The following RIT2 variants were observed in gnomAD, a reference collection of about 807,000 sequenced individuals.
RIT2 encodes Ras like without CAAX 2, also known as GTP-binding protein Rit2.
In RIT2, 24 loss-of-function variants were observed where a neutral mutation model predicts 23.7. That is an observed-to-expected ratio of 1.01 (90% confidence interval 0.73 to 1.43). The LOEUF is 1.43. Among genes scored for constraint, RIT2 ranks in the 40% most tolerant of loss-of-function variants. The pLI, the probability that RIT2 is intolerant of heterozygous loss-of-function variation, is 0.00. For missense variants in RIT2, 236 were observed against 266.9 expected (o/e 0.88, Z 0.81); for synonymous variants, 107 against 91.1 (o/e 1.17, Z -0.99).
At chr18:43,112,661 T>TG (rs1313432102) in intron 1 of RIT2, among the ~76,000 whole-genome samples, 3 of 152,104 alleles carry the variant, frequency 2.0e-5, no homozygotes, top group Non-Finnish European at 2.9e-5. Flanking sequence ...CCCAGCACTT[T>TG]GGGGGGCTGA....
chr18:43,108,693 T>G (rs1432716574), intron 1 of RIT2, among the ~76,000 whole-genome samples: 1 of 152,196 alleles, frequency 6.6e-6, no homozygotes, highest in Non-Finnish European at 1.5e-5. Flanking sequence ...TTCGCCTGAA[T>G]TCTGTTTTCA....
At chr18:42,875,126 T>A (rs998346933) in intron 4 of RIT2, among the ~76,000 whole-genome samples, 1 of 152,196 alleles carries the variant, frequency 6.6e-6, no homozygotes, top group South Asian at 2.1e-4. Flanking sequence ...CTGCCACCTC[T>A]TTTCCCCACT....
At chr18:42,795,339 C>T (rs1211910344) in intron 4 of RIT2, among the ~76,000 whole-genome samples, 2 of 152,198 alleles carry the variant, frequency 1.3e-5, no homozygotes, top group African/African-American at 4.8e-5. Flanking sequence ...GACGGCCGAC[C>T]CTGCCAGCCC....
intron 2 of RIT2, among the ~76,000 whole-genome samples, chr18:43,004,473 C>T (rs896516624): frequency 3.3e-5 from 5 of 151,790 alleles, no homozygotes; most frequent in African/African-American, 1.2e-4. Context: ...TTTTCAAAAG[C>T]TTTTTTCAAA....
intron 2 of RIT2, among the ~76,000 whole-genome samples, chr18:42,991,957 A>C (rs1910861369): frequency 6.6e-6 from 1 of 152,072 alleles, no homozygotes; most frequent in Non-Finnish European, 1.5e-5. Flanking sequence ...GATGCACATG[A>C]AATTTGGTAA....
chr18:42,761,222 C>T (rs1296316570), intron 4 of RIT2, among the ~76,000 whole-genome samples: 1 of 152,042 alleles, frequency 6.6e-6, no homozygotes, highest in Non-Finnish European at 1.5e-5. Context: ...AGCTTTTCTC[C>T]TTGGACTTGT....
intron 4 of RIT2, among the ~76,000 whole-genome samples, chr18:42,842,926 C>T (rs77583051): frequency 0.11 from 16,034 of 152,100 alleles, 987 homozygotes; most frequent in Middle Eastern, 0.25. Flanking sequence ...GAATAGAGAG[C>T]TGAGGCCCAA....
intron 4 of RIT2, among the ~76,000 whole-genome samples, chr18:42,919,180 T>C (rs987960104): frequency 1.3e-5 from 2 of 152,136 alleles, no homozygotes; most frequent in Non-Finnish European, 2.9e-5. Context: ...ATATTATGCT[T>C]TTTTAATCCA....
intron 4 of RIT2, among the ~76,000 whole-genome samples, chr18:42,886,815 G>A (rs1181624320): frequency 6.6e-6 from 1 of 152,184 alleles, no homozygotes; most frequent in East Asian, 1.9e-4. Context: ...GAGATAACAG[G>A]GATGCCTAGC....
At chr18:42,881,377 G>A (rs1002675871) in intron 4 of RIT2, among the ~76,000 whole-genome samples, 12 of 151,902 alleles carry the variant, frequency 7.9e-5, no homozygotes, top group Admixed American at 4.6e-4. Context: ...CCCTTCAATC[G>A]ATTCTTTATT....
chr18:42,957,319 A>C (rs1909995313), intron 3 of RIT2, among the ~76,000 whole-genome samples: 1 of 152,292 alleles, frequency 6.6e-6, no homozygotes, highest in East Asian at 1.9e-4. Flanking sequence ...AGAATCTATA[A>C]GAATTCAGAA....
chr18:42,770,905 A>G lies in RIT2; in HGVS notation c.427-27185T>C, dbSNP rs556940677. Reference sequence around the variant, plus strand: ...ATTTCATGTTAAAAAGGTCATTTTCAAAGCAAAACATAAAATGAGGAGGAA... The same window carrying G: ...ATTTCATGTTAAAAAGGTCATTTTCGAAGCAAAACATAAAATGAGGAGGAA... On this transcript the variant is annotated intron_variant, in intron 4 of 4. Coordinates refer to ENST00000326695, the MANE Select transcript of RIT2 (RefSeq NM_002930.4). Among the ~76,000 whole-genome samples the G allele has an allele frequency of 2.3e-3, 350 of 152,264 alleles. 1 individual carries two copies. Among genetic ancestry groups the G allele is most frequent in the African/African-American group, 7.6e-3 (314 of 41,584 alleles).
chr18:42,996,950 C>T (rs1001324782), intron 2 of RIT2, among the ~76,000 whole-genome samples: 18 of 152,158 alleles, frequency 1.2e-4, no homozygotes, highest in African/African-American at 2.7e-4. Context: ...TAGGCTTCTG[C>T]ACCATGTGAC....
At chr18:42,852,127 T>C (rs928775776) in intron 4 of RIT2, among the ~76,000 whole-genome samples, 4 of 152,192 alleles carry the variant, frequency 2.6e-5, no homozygotes, top group Non-Finnish European at 5.9e-5. Flanking sequence ...GTTCTCTAAA[T>C]TAAGCCATTA....
intron 4 of RIT2, among the ~76,000 whole-genome samples, chr18:42,839,575 A>G (rs1015166815): frequency 6.6e-6 from 1 of 152,212 alleles, no homozygotes; most frequent in Non-Finnish European, 1.5e-5. Context: ...CTATAATGTA[A>G]CAAAGTCCTG....
chr18:42,914,545 A>ATAT (rs1908852448), intron 4 of RIT2, among the ~76,000 whole-genome samples: 1 of 152,102 alleles, frequency 6.6e-6, no homozygotes, highest in African/African-American at 2.4e-5. Context: ...GATGCATGTT[A>ATAT]ACTCATTTCA....
At chr18:42,920,657 T>C in intron 4 of RIT2, 1 of 1,408,880 alleles carries the variant, frequency 7.1e-7, no homozygotes, top group African/African-American at 1.4e-5. Flanking sequence ...GGCCCTGGGA[T>C]TTCCCAAAAT....
At chr18:42,898,966 T>C (rs1908404249) in intron 4 of RIT2, among the ~76,000 whole-genome samples, 1 of 152,176 alleles carries the variant, frequency 6.6e-6, no homozygotes, top group African/African-American at 2.4e-5. Context: ...ATGCTCACTT[T>C]TATCACTTGG....
At chr18:42,893,640 G>A (rs557611856) in intron 4 of RIT2, among the ~76,000 whole-genome samples, 9 of 152,216 alleles carry the variant, frequency 5.9e-5, no homozygotes, top group Admixed American at 4.6e-4. Flanking sequence ...TAAAAACATG[G>A]AGTTGGTCAT....
Sources: gnomAD v4.1 joint callset for allele counts (sites outside exome capture counted in the v4.1 genomes callset) on GRCh38, gnomAD v4.1.1 for gene constraint, MANE v1.5 for transcripts, NCBI Gene and HGNC (gene_info 2026-07-23, HGNC 2026-07-21) for gene names.